The following RAB31 variants were observed in gnomAD, a reference collection of about 807,000 sequenced individuals.
The protein encoded by RAB31 is ras-related protein Rab-31.
Under a neutral mutation model 25.6 loss-of-function variants are expected in RAB31, and 21 were observed. The ratio of observed to expected loss-of-function variants is 0.82; its 90% CI spans 0.58 to 1.18. The LOEUF (loss-of-function observed/expected upper bound fraction) is 1.18. RAB31 is among the 50% of genes most tolerant of loss of function. The pLI is 0.00. For synonymous variants in RAB31, 87 were observed against 84.0 expected, an observed-to-expected ratio of 1.04 and a Z score of -0.20; for missense variants, 196 against 250.1, an observed-to-expected ratio of 0.78 and a Z score of 1.46.
intron 1 of RAB31, among the ~76,000 whole-genome samples, chr18:9,723,192 C>T (rs891718901): frequency 3.3e-5 from 5 of 152,058 alleles, no homozygotes; most frequent in South Asian, 4.1e-4. Flanking sequence ...GGATTACAGG[C>T]GTGTGGCACC....
intron 2 of RAB31, among the ~76,000 whole-genome samples, chr18:9,785,476 A>G (rs948091116): frequency 2.0e-5 from 3 of 152,162 alleles, no homozygotes; most frequent in Admixed American, 6.5e-5. Context: ...ATTTGCATAT[A>G]TATAGGTTTT....
Position 9,708,338 on chromosome 18 carries a change from C to T in RAB31, c.-68C>T, listed in dbSNP as rs984779497. The T allele has an allele frequency of 3.6e-5, 47 of 1,301,116 alleles. No homozygotes were observed. Among genetic ancestry groups the T allele is most frequent in the Non-Finnish European group, 4.3e-5 (42 of 980,348 alleles). 80.6% of individuals were successfully genotyped at this position (1,301,116 alleles called of 1,614,324 possible). On this transcript the variant is annotated 5_prime_UTR_variant, in exon 1 of 7. Transcript: ENST00000578921. This position sits in a 1 kb window ranked among gnomAD's most constrained non-coding sequence, Gnocchi z 6.4. The stretch of plus-strand genomic sequence containing the variant: ...AGCGAGGGGCAGAGGCGAGAGACGC[C>T]GGCGGGGCGCGGGCGCGGCGGCCCC...
At chr18:9,755,093 T>C (rs1211469907) in intron 1 of RAB31, among the ~76,000 whole-genome samples, 3 of 152,172 alleles carry the variant, frequency 2.0e-5, no homozygotes, top group African/African-American at 7.2e-5. Context: ...AAGTCTGTCA[T>C]AGAATTAGAT....
In RAB31 at chr18:9,854,112, A is replaced by G. The variant is rs142559260; in HGVS notation, c.491-5116A>G. On this transcript the variant is annotated intron_variant, in intron 6 of 6. Coordinates refer to ENST00000578921, the MANE Select transcript of RAB31 (RefSeq NM_006868.4). Reference sequence around the variant, plus strand: ...CCTGCATGCATTAGGTATTTGTCCTAATGCTCTCGCTCCCCCACCCCCAAC... The same window carrying G: ...CCTGCATGCATTAGGTATTTGTCCTGATGCTCTCGCTCCCCCACCCCCAAC... Among the ~76,000 whole-genome samples, 773 of 152,012 alleles carry G rather than the reference A, an allele frequency of 5.1e-3. 9 individuals carry two copies. The highest frequency in any genetic ancestry group is 0.018 in the African/African-American group (749 of 41,456).
intron 6 of RAB31, among the ~76,000 whole-genome samples, chr18:9,854,619 C>T (rs565683916): frequency 5.3e-5 from 8 of 152,268 alleles, no homozygotes; most frequent in Non-Finnish European, 1.2e-4. Flanking sequence ...GCATGTAGCG[C>T]GTTCCTCTTT....
intron 1 of RAB31, among the ~76,000 whole-genome samples, chr18:9,734,639 G>A (rs1056825559): frequency 2.6e-5 from 4 of 152,126 alleles, no homozygotes; most frequent in Admixed American, 6.6e-5. Flanking sequence ...TGAACAAAGC[G>A]GGGCCCGAGG....
At chr18:9,776,659 C>T (rs112331431) in intron 2 of RAB31, among the ~76,000 whole-genome samples, 1,576 of 152,200 alleles carry the variant, frequency 0.01, 30 homozygotes, top group African/African-American at 0.036. Context: ...GACAGAAGAC[C>T]CCCGAGTCAC....
Position 9,708,519 on chromosome 18 carries a change from C to A in RAB31, c.39+75C>A. ...CCCCTTCGCTCCCCTATTCCCTGCG[C>A]GCTCAGTCCCCGTGATCCCCTCGCT... On this transcript the variant is annotated intron_variant, in intron 1 of 6. Coordinates refer to ENST00000578921, the MANE Select transcript of RAB31 (RefSeq NM_006868.4). This position sits in a 1 kb window ranked among gnomAD's most constrained non-coding sequence, Gnocchi z 6.4. 7.6e-7 allele frequency: 1 copy of A among 1,320,336 alleles called. No homozygotes were observed. The highest frequency in any genetic ancestry group is 1.0e-6 in the Non-Finnish European group (1 of 977,736). 81.8% of individuals were successfully genotyped at this position (1,320,336 alleles called of 1,614,324 possible).
At chr18:9,841,071 C>G (rs2068731047) in intron 5 of RAB31, among the ~76,000 whole-genome samples, 2 of 152,236 alleles carry the variant, frequency 1.3e-5, no homozygotes, top group Admixed American at 1.3e-4. Context: ...GCTGAGTCCA[C>G]AAGCACACAC....
rs376662355 is a variant in RAB31, at chr18:9,845,657, T to C, written c.456T>C (p.Asn152=). The change falls in exon 6 of 7, where the codon AAT becomes AAC. Residue 152 remains asparagine (N), a synonymous_variant. Transcript: ENST00000578921. The part of the protein sequence containing the change: ...GAIVVETSAK[N]AINIEELFQG... ...TCGTGGTTGAGACAAGTGCAAAAAA[T>C]GCTATTAATATCGAAGAGCTCTTTC... 1.3e-6 allele frequency: 2 copies of C among 1,565,644 alleles called. No homozygotes were observed. Among genetic ancestry groups the C allele is most frequent in the African/African-American group, 1.4e-5 (1 of 73,888 alleles).
intron 3 of RAB31, among the ~76,000 whole-genome samples, chr18:9,811,363 C>T (rs2068569740): frequency 6.6e-6 from 1 of 152,220 alleles, no homozygotes; most frequent in Non-Finnish European, 1.5e-5. Context: ...GCCTCACCAG[C>T]ATTCCTCAGT....
At chr18:9,789,440 C>T (rs1351061296) in intron 2 of RAB31, among the ~76,000 whole-genome samples, 1 of 152,168 alleles carries the variant, frequency 6.6e-6, no homozygotes, top group Non-Finnish European at 1.5e-5. Flanking sequence ...ATGCCAATTA[C>T]CCTGATTTGA....
chr18:9,786,545 C>A (rs1163321555), intron 2 of RAB31, among the ~76,000 whole-genome samples: 1 of 152,184 alleles, frequency 6.6e-6, no homozygotes, highest in African/African-American at 2.4e-5. Flanking sequence ...GAGCCCTCAA[C>A]CTGTGGGATC....
At chr18:9,775,179 A>G in intron 1 of RAB31, 99 bp from the exon 2 acceptor site, 1 of 1,572,506 alleles carries the variant, frequency 6.4e-7, no homozygotes, top group Non-Finnish European at 8.7e-7. Context: ...AACCAGAAAT[A>G]GCCAGTCGTG....
chr18:9,715,912 C>T (rs2068042124), intron 1 of RAB31, among the ~76,000 whole-genome samples: 1 of 151,994 alleles, frequency 6.6e-6, no homozygotes, highest in East Asian at 1.9e-4. Context: ...GGCACTTTAC[C>T]CACAAATACT....
intron 1 of RAB31, among the ~76,000 whole-genome samples, chr18:9,721,379 C>T (rs1343368652): frequency 6.6e-6 from 1 of 152,004 alleles, no homozygotes; most frequent in African/African-American, 2.4e-5. Flanking sequence ...TTCGGGAGGC[C>T]AAGGCAGGCA....
At chr18:9,802,326 A>G (rs78737340) in intron 3 of RAB31, among the ~76,000 whole-genome samples, 1 of 152,282 alleles carries the variant, frequency 6.6e-6, no homozygotes, top group Non-Finnish European at 1.5e-5. Flanking sequence ...CTGTCTTTCA[A>G]CTCTTTGGAA....
intron 6 of RAB31, among the ~76,000 whole-genome samples, chr18:9,847,876 T>C (rs2068769524): frequency 6.6e-6 from 1 of 152,148 alleles, no homozygotes; most frequent in African/African-American, 2.4e-5. Context: ...ACATGGCTTG[T>C]AGTAATAACT....
At chr18:9,781,220 T>A (rs1599035818) in intron 2 of RAB31, among the ~76,000 whole-genome samples, 1 of 152,352 alleles carries the variant, frequency 6.6e-6, no homozygotes, top group Admixed American at 6.5e-5. Flanking sequence ...ATTCTATTCT[T>A]TTCCTCTAAC....
Sources: allele counts gnomAD v4.1 joint callset (sites outside exome capture counted in the v4.1 genomes callset), GRCh38; gene constraint gnomAD v4.1.1; non-coding constraint Gnocchi (gnomAD v3.1); transcripts MANE v1.5; gene names NCBI Gene and HGNC (gene_info 2026-07-23, HGNC 2026-07-21).